SASH1: variants seen among roughly 807,000 people sequenced by gnomAD.
SASH1 encodes SAM and SH3 domain-containing protein 1.
Under a neutral mutation model 125.2 loss-of-function variants are expected in SASH1, and 44 were observed. The observed-to-expected ratio is 0.35, with a 90% CI of 0.28 to 0.45. SASH1 has a LOEUF of 0.45. SASH1 is among the 20% of genes least tolerant of loss of function. The pLI, the probability that SASH1 is intolerant of heterozygous loss-of-function variation, is 1.00. For missense variants in SASH1, 1,426 were observed against 1,614.5 expected, an observed-to-expected ratio of 0.88 and a Z score of 2.00; for synonymous variants, 639 against 649.1, an observed-to-expected ratio of 0.98 and a Z score of 0.24.
intron 2 of SASH1, among the ~76,000 whole-genome samples, chr6:148,436,100 T>C (rs1329054228): frequency 1.3e-5 from 2 of 152,218 alleles, no homozygotes; most frequent in Non-Finnish European, 2.9e-5. Context: ...GCCACAGCGA[T>C]GTCTGCCATC....
intron 8 of SASH1, among the ~76,000 whole-genome samples, chr6:148,511,287 A>C (rs1780109261): frequency 6.6e-6 from 1 of 150,842 alleles, no homozygotes; most frequent in African/African-American, 2.4e-5. Context: ...GTTGAACTCA[A>C]GTAACTTCTA....
intron 1 of SASH1, among the ~76,000 whole-genome samples, chr6:148,325,527 G>A (rs1379926431): frequency 6.6e-6 from 1 of 152,058 alleles, no homozygotes; most frequent in African/African-American, 2.4e-5. Context: ...ACCCGCCTCA[G>A]CCTCCCAAAG....
At chr6:148,398,549 A>G (rs1443605988) in intron 2 of SASH1, among the ~76,000 whole-genome samples, 1 of 152,216 alleles carries the variant, frequency 6.6e-6, no homozygotes, top group Non-Finnish European at 1.5e-5. Flanking sequence ...CCCCCAGAGC[A>G]TAGAAACACA....
chr6:148,417,362 G>A (rs183462067), intron 2 of SASH1, among the ~76,000 whole-genome samples: 38 of 152,188 alleles, frequency 2.5e-4, no homozygotes, highest in Non-Finnish European at 4.9e-4. Context: ...TGAAGCGGGC[G>A]GATCACAAGG....
chr6:148,258,084 T>C, the SASH1 span, among the ~76,000 whole-genome samples: 7,132 of 152,146 alleles, frequency 0.047, 207 homozygotes, highest in Middle Eastern at 0.085. Flanking sequence ...AGTACTTGGC[T>C]TTCCCTTTTT....
At chr6:148,521,126 C>T (rs991551580) in intron 10 of SASH1, among the ~76,000 whole-genome samples, 1 of 152,210 alleles carries the variant, frequency 6.6e-6, no homozygotes, top group Non-Finnish European at 1.5e-5. Context: ...CAAGGCATGA[C>T]TTACTTTGAA....
intron 5 of SASH1, among the ~76,000 whole-genome samples, chr6:148,470,906 C>T (rs1246606611): frequency 6.6e-6 from 1 of 152,148 alleles, no homozygotes; most frequent in African/African-American, 2.4e-5. Context: ...ACCAACTCCC[C>T]TGACCTGTGG....
intron 8 of SASH1, among the ~76,000 whole-genome samples, chr6:148,492,831 A>AATAG (rs34671586): frequency 0.12 from 1,956 of 16,504 alleles, 23 homozygotes; most frequent in East Asian, 0.29. Flanking sequence ...ATAAAATATA[A>AATAG]ATAAATAAAT....
chr6:148,398,147 A>AG (rs1335018489), intron 2 of SASH1, among the ~76,000 whole-genome samples: 1 of 152,182 alleles, frequency 6.6e-6, no homozygotes, highest in Admixed American at 6.5e-5. Flanking sequence ...AAACGATGTG[A>AG]GGGGAAAAAA....
chr6:148,503,760 TA>T (rs11385703), intron 8 of SASH1, among the ~76,000 whole-genome samples: 35,439 of 145,298 alleles, frequency 0.24, 4,714 homozygotes, highest in Middle Eastern at 0.37. Flanking sequence ...CCCTTTCTTG[TA>T]AAAAAAAAAA....
chr6:148,354,867 A>C (rs1293111655), intron 1 of SASH1, among the ~76,000 whole-genome samples: 1 of 152,246 alleles, frequency 6.6e-6, no homozygotes, highest in Non-Finnish European at 1.5e-5. Context: ...CGTTCAAGCA[A>C]TTCTCCCTCA....
At chr6:148,228,911 A>G in the SASH1 span, among the ~76,000 whole-genome samples, 1 of 152,066 alleles carries the variant, frequency 6.6e-6, no homozygotes, top group Non-Finnish European at 1.5e-5. Context: ...CGAGGCGGGC[A>G]GATCACTTGA....
intron 1 of SASH1, among the ~76,000 whole-genome samples, chr6:148,327,598 G>A (rs1288972380): frequency 6.7e-6 from 1 of 150,100 alleles, no homozygotes; most frequent in Admixed American, 6.6e-5. Context: ...TTTCTATAAT[G>A]TACACTGGTA....
At chr6:148,501,360 C>G (rs1313599504) in intron 8 of SASH1, among the ~76,000 whole-genome samples, 1 of 152,210 alleles carries the variant, frequency 6.6e-6, no homozygotes, top group South Asian at 2.1e-4. Context: ...TGAACACTTT[C>G]ATCAGCTCCA....
chr6:148,218,957 T>C, the SASH1 span, among the ~76,000 whole-genome samples: 10,926 of 152,288 alleles, frequency 0.072, 486 homozygotes, highest in East Asian at 0.15. Context: ...AGAGCTGAAA[T>C]TGCATGTTCA....
chr6:148,357,241 T>C (rs1395633088), intron 1 of SASH1, among the ~76,000 whole-genome samples: 1 of 152,254 alleles, frequency 6.6e-6, no homozygotes, highest in Non-Finnish European at 1.5e-5. Flanking sequence ...TTTGGCCATG[T>C]AAATAATGTA....
chr6:148,202,059 C>T, the SASH1 span, among the ~76,000 whole-genome samples: 33 of 152,120 alleles, frequency 2.2e-4, no homozygotes, highest in African/African-American at 7.5e-4. Context: ...AGCCTGACCA[C>T]ATGTGGTCCT....
intron 1 of SASH1, among the ~76,000 whole-genome samples, chr6:148,374,570 C>T (rs1782816812): frequency 6.6e-6 from 1 of 152,166 alleles, no homozygotes; most frequent in Admixed American, 6.5e-5. Flanking sequence ...AAATGACTGT[C>T]AAGTTTACAT....
chr6:148,388,614 C>T (rs1783575932), intron 1 of SASH1, among the ~76,000 whole-genome samples: 1 of 152,178 alleles, frequency 6.6e-6, no homozygotes, highest in Non-Finnish European at 1.5e-5. Context: ...TTTCCCGTCT[C>T]TGTTTCTCCT....
Sources: gnomAD v4.1 joint callset for allele counts (sites outside exome capture counted in the v4.1 genomes callset) on GRCh38, gnomAD v4.1.1 for gene constraint, MANE v1.5 for transcripts, NCBI Gene and HGNC (gene_info 2026-07-23, HGNC 2026-07-21) for gene names.